REPS2: variants seen among roughly 807,000 people sequenced by gnomAD.
REPS2 encodes RALBP1 associated Eps domain containing 2.
Under a neutral mutation model 53.6 loss-of-function variants are expected in REPS2, and 23 were observed. The observed-to-expected ratio is 0.43, with a 90% CI of 0.31 to 0.61. The LOEUF is 0.61. Ranked by LOEUF, REPS2 falls within the 20% of genes least tolerant of loss-of-function variation. The pLI is 0.11. For missense variants in REPS2, 446 were observed against 534.9 expected (o/e 0.83, Z 1.64); for synonymous variants, 238 against 218.6 (o/e 1.09, Z -0.78).
At chrX:17,068,515 GTTACC>G in intron 10 of REPS2, 44 bp downstream of exon 10, 1 of 1,039,261 alleles carries the variant, frequency 9.6e-7, no homozygotes, top group Non-Finnish European at 1.3e-6. Context: ...CGTTCTACCT[GTTACC>G]TTATCTACTC....
chrX:17,023,179 G>A (rs2061596641), intron 3 of REPS2, among the ~76,000 whole-genome samples: 2 of 112,740 alleles, frequency 1.8e-5, no homozygotes, highest in Admixed American at 9.3e-5. Context: ...TGTAATCCCA[G>A]CACTTTGGGA....
intron 1 of REPS2, among the ~76,000 whole-genome samples, chrX:16,970,995 C>T (rs370378441): frequency 8.9e-6 from 1 of 112,136 alleles, no homozygotes; most frequent in Non-Finnish European, 1.9e-5. Context: ...TTATTTCTGT[C>T]GAATATATAC....
At chrX:16,959,326 G>C (rs1007423457) in intron 1 of REPS2, among the ~76,000 whole-genome samples, 1 of 111,864 alleles carries the variant, frequency 8.9e-6, no homozygotes, top group Non-Finnish European at 1.9e-5. Context: ...CTCACTCCTG[G>C]GCTCAAGTGA....
Position 17,123,135 on chromosome X carries a change from G to A in REPS2, c.1579-10689G>A, listed in dbSNP as rs1401837587. 2.7e-5 allele frequency among the ~76,000 whole-genome samples: 3 copies of A among 111,851 alleles called. No individual in the cohort carries two copies. In the East Asian group the frequency reaches 8.4e-4, roughly 31 times the overall value. On this transcript the variant is annotated intron_variant, in intron 14 of 17. Transcript: ENST00000357277. ...CTGGTGGGTGCCTGTTTTACTAAGG[G>A]TCTCTTTGGTTTGGCAAGAGGCATG...
chrX:17,181,213 C>T, the REPS2 span, among the ~76,000 whole-genome samples: 1 of 112,556 alleles, frequency 8.9e-6, no homozygotes, highest in East Asian at 2.8e-4. Flanking sequence ...CATGGTCCTT[C>T]TCTCACTGTG....
At chrX:16,984,467 G>A (rs1198890035) in intron 1 of REPS2, among the ~76,000 whole-genome samples, 1 of 112,108 alleles carries the variant, frequency 8.9e-6, no homozygotes, top group East Asian at 2.8e-4. Flanking sequence ...TATAATGTGG[G>A]AGAGGATGAT....
chrX:17,105,626 A>G (rs949055408), intron 14 of REPS2, among the ~76,000 whole-genome samples: 1 of 111,651 alleles, frequency 9.0e-6, no homozygotes, highest in African/African-American at 3.3e-5. Flanking sequence ...ATTTCCCATC[A>G]CAATATAAAC....
rs925970872 is a variant in REPS2, at chrX:16,947,879, A to G, written c.273+745A>G. ...AAAGGTAAGGGATGTCATAGCTACCACCTTTTGGCTGTTCTATACTTGGAA... is the reference window on the plus strand; with the variant it reads ...AAAGGTAAGGGATGTCATAGCTACCGCCTTTTGGCTGTTCTATACTTGGAA... On this transcript the variant is annotated intron_variant, in intron 1 of 17. Transcript: ENST00000357277. Among the ~76,000 whole-genome samples, 11 of 111,196 alleles carry G rather than the reference A, an allele frequency of 9.9e-5. No homozygotes were observed. In the East Asian group the frequency reaches 2.8e-3, roughly 29 times the overall value.
rs561058099 is a variant in REPS2, at chrX:17,104,520, C to G, written c.1578+741C>G. Among the ~76,000 whole-genome samples the G allele has an allele frequency of 3.9e-4, 44 of 111,684 alleles. No individual in the cohort carries two copies. The South Asian group carries it at 0.017, about 43-fold the overall frequency. On this transcript the variant is annotated intron_variant, in intron 14 of 17. Transcript: ENST00000357277. ...GAAAATTTTGGGAAATTTCTCTGTACACAGTCCCTGTTTCTACTTCATTGT... is the reference window on the plus strand; with the variant it reads ...GAAAATTTTGGGAAATTTCTCTGTAGACAGTCCCTGTTTCTACTTCATTGT...
At chrX:17,042,653 G>C (rs2061847071) in intron 5 of REPS2, among the ~76,000 whole-genome samples, 1 of 110,065 alleles carries the variant, frequency 9.1e-6, no homozygotes. Context: ...CTACCTTTTA[G>C]TATCTGTGAT....
At chrX:16,969,174 C>T (rs1277195577) in intron 1 of REPS2, among the ~76,000 whole-genome samples, 6 of 108,543 alleles carry the variant, frequency 5.5e-5, no homozygotes, top group Admixed American at 1.9e-4. Context: ...GGATGGCGGC[C>T]GGGAAGAGGC....
At position 17,151,866 on chromosome X, in the gene REPS2, T is replaced by C. The variant is rs996147594; in HGVS notation, c.*4385T>C. 2 of 111,020 alleles carry C rather than the reference T, an allele frequency of 1.8e-5. No homozygotes were observed. The highest frequency in any genetic ancestry group is 3.8e-5 in the Non-Finnish European group (2 of 52,998). 9.1% of individuals were successfully genotyped at this position (111,020 alleles called of 1,213,427 possible). Reference sequence around the variant, plus strand: ...AATTTATACTTTAGTTATGGGTGTTTTGTTACTTTTTTTTTTTTTGTATCA... The same window carrying C: ...AATTTATACTTTAGTTATGGGTGTTCTGTTACTTTTTTTTTTTTTGTATCA... On this transcript the variant is annotated 3_prime_UTR_variant, in exon 18 of 18. Transcript: ENST00000357277.
intron 2 of REPS2, among the ~76,000 whole-genome samples, chrX:17,019,437 G>C (rs1237364938): frequency 1.8e-5 from 2 of 111,671 alleles, no homozygotes; most frequent in African/African-American, 6.5e-5. Context: ...ACTACAAATA[G>C]ACCTTCTTCT....
At position 17,149,915 on chromosome X, in the gene REPS2, A is replaced by C. The variant is rs1049387205; in HGVS notation, c.*2434A>C. The C allele has an allele frequency of 1.8e-5, 2 of 111,708 alleles. No individual in the cohort carries two copies. Among genetic ancestry groups the C allele is most frequent in the Non-Finnish European group, 3.8e-5 (2 of 53,154 alleles). The allele number at this position is 111,708 out of a possible 1,213,427, so 9.2% of individuals were successfully genotyped here. On this transcript the variant is annotated 3_prime_UTR_variant, in exon 18 of 18. Coordinates refer to ENST00000357277, the MANE Select transcript of REPS2 (RefSeq NM_004726.3). The stretch of plus-strand genomic sequence containing the variant: ...TTAAGGGAAAAAACTTGCATTGGAC[A>C]ATCAAATTCCCCTGAGTTTCATAAT...
intron 2 of REPS2, among the ~76,000 whole-genome samples, chrX:17,014,008 T>C (rs934059171): frequency 1.5e-4 from 17 of 111,644 alleles, no homozygotes; most frequent in African/African-American, 4.9e-4. Flanking sequence ...TTTCACCTTA[T>C]TTGTAAAAAT....
chrX:16,961,303 C>T (rs576540252), intron 1 of REPS2, among the ~76,000 whole-genome samples: 1 of 111,251 alleles, frequency 9.0e-6, no homozygotes, highest in African/African-American at 3.3e-5. Context: ...AGTATATATA[C>T]AGAAATCCAA....
At chrX:17,101,093 A>G (rs1478369718) in intron 13 of REPS2, among the ~76,000 whole-genome samples, 12 of 92,754 alleles carry the variant, frequency 1.3e-4, no homozygotes, top group African/African-American at 3.7e-4. Flanking sequence ...TGGCTCTGTC[A>G]CCCAGGCTGG....
At chrX:16,947,165 T>G in intron 1 of REPS2, 31 bp downstream of exon 1, 1 of 1,010,563 alleles carries the variant, frequency 9.9e-7, no homozygotes, top group South Asian at 3.2e-5. Context: ...TCCCTGCGGG[T>G]CTGTGGGGCA....
At chrX:17,153,535 G>A (rs760697882), downstream of REPS2, among the ~76,000 whole-genome samples, 55 of 111,544 alleles carry the variant, frequency 4.9e-4, no homozygotes, top group African/African-American at 1.8e-3. Context: ...TCAATGTGGG[G>A]CCAGGTTATT....
Sources: gnomAD v4.1 joint callset for allele counts (sites outside exome capture counted in the v4.1 genomes callset) on GRCh38, gnomAD v4.1.1 for gene constraint, MANE v1.5 for transcripts, NCBI Gene and HGNC (gene_info 2026-07-23, HGNC 2026-07-21) for gene names.